SPTBN1: variants seen among roughly 807,000 people sequenced by gnomAD.
SPTBN1 encodes the protein spectrin beta, non-erythrocytic 1, also known as spectrin beta chain, non-erythrocytic 1.
A neutral mutation model predicts 266.4 loss-of-function variants in SPTBN1; 32 were observed. The ratio of observed to expected loss-of-function variants is 0.12; its 90% CI spans 0.09 to 0.16. The LOEUF (loss-of-function observed/expected upper bound fraction) is 0.16, where lower values mean the gene tolerates loss of function less well. Ranked by LOEUF, SPTBN1 falls within the 10% of genes least tolerant of loss-of-function variation. The pLI, the probability that SPTBN1 is intolerant of heterozygous loss-of-function variation, is 1.00. For missense variants in SPTBN1, 2,296 were observed against 3,067.1 expected (o/e 0.75, Z 5.94); for synonymous variants, 1,336 against 1,162.2 (o/e 1.15, Z -3.04).
At chr2:54,542,469 A>G (rs1671992214) in intron 2 of SPTBN1, among the ~76,000 whole-genome samples, 1 of 152,226 alleles carries the variant, frequency 6.6e-6, no homozygotes, top group African/African-American at 2.4e-5. Flanking sequence ...AAAACTGTTA[A>G]TTAATCTCAA....
chr2:54,499,782 C>T (rs1050054199), intron 1 of SPTBN1, among the ~76,000 whole-genome samples: 7 of 152,154 alleles, frequency 4.6e-5, no homozygotes, highest in African/African-American at 1.4e-4. Flanking sequence ...ACTTTGCTTT[C>T]CCCCTTCCTT....
At chr2:54,667,208 A>G in intron 34 of SPTBN1, among the ~76,000 whole-genome samples, 1 of 152,252 alleles carries the variant, frequency 6.6e-6, no homozygotes. Context: ...ATGTGAATGT[A>G]GGGGATACAA....
chr2:54,556,826 A>C (rs150402631), intron 2 of SPTBN1, among the ~76,000 whole-genome samples: 51 of 152,226 alleles, frequency 3.4e-4, no homozygotes, highest in African/African-American at 1.1e-3. Context: ...ATTAATTATT[A>C]CTCAGTCTGA....
At position 54,667,105 on chromosome 2, in the gene SPTBN1, G is replaced by A. The variant is rs547727359; in HGVS notation, c.6834-499G>A. On this transcript the variant is annotated intron_variant, in intron 34 of 35. Transcript: ENST00000356805. ...CCCTTCCAAGCCTGGGGACCTCCCA[G>A]TGTCACACTAATAGGGCTTCTTAAT... 8.7e-4 allele frequency among the ~76,000 whole-genome samples: 132 copies of A among 152,320 alleles called. 1 individual carries two copies. The highest frequency in any genetic ancestry group is 2.6e-3 in the African/African-American group (108 of 41,570).
rs1558764049 is a variant in SPTBN1, at chr2:54,481,433, TG to T, written c.-48+24916del. On this transcript the variant is annotated intron_variant, in intron 1 of 35. Coordinates refer to ENST00000356805, the MANE Select transcript of SPTBN1 (RefSeq NM_003128.3). ...GTGTGTGTGTGTGTGTGTGTGTGTG[TG>T]TGTGTGTTTTGTTTTGTTTGTTTGT... Among the ~76,000 whole-genome samples, 327 of 91,202 alleles carry T rather than the reference TG, an allele frequency of 3.6e-3. 2 individuals are homozygous for T. The highest frequency in any genetic ancestry group is 0.015 in the African/African-American group (299 of 19,394). The allele number at this position is 91,202 out of a possible 152,430, so 59.8% of individuals were successfully genotyped here. A position where few individuals can be genotyped will look rare whatever the true frequency, so the allele number is the denominator to read the frequency against.
At chr2:54,651,216 C>G (rs1680258996) in intron 26 of SPTBN1, among the ~76,000 whole-genome samples, 1 of 152,222 alleles carries the variant, frequency 6.6e-6, no homozygotes, top group South Asian at 2.1e-4. Context: ...CTGCAAGACA[C>G]TTGAGAGACA....
chr2:54,670,699 A>G lies in SPTBN1; in HGVS notation c.*2130A>G, dbSNP rs1681655118. On this transcript the variant is annotated 3_prime_UTR_variant, in exon 36 of 36. Transcript: ENST00000356805. Reference sequence around the variant, plus strand: ...CATACCAGCAATCCTGGAGTCCCATAATAAATACGTACATGTGGAACATCG... The same window carrying G: ...CATACCAGCAATCCTGGAGTCCCATGATAAATACGTACATGTGGAACATCG... The G allele has an allele frequency of 2.5e-6, 1 of 398,522 alleles. No individual in the cohort carries two copies. Among genetic ancestry groups the G allele is most frequent in the South Asian group, 1.3e-4 (1 of 7,870 alleles). 24.7% of individuals were successfully genotyped at this position (398,522 alleles called of 1,614,324 possible). A position where few individuals can be genotyped will look rare whatever the true frequency, so the allele number is the denominator to read the frequency against.
chr2:54,558,838 G>T lies in SPTBN1; in HGVS notation c.148+32272G>T. Reference sequence around the variant, plus strand: ...CGCTGTCGCCGGCGTACACGGGGCAGGTGCCTTACAACTACAACCAGCTGG... The same window carrying T: ...CGCTGTCGCCGGCGTACACGGGGCATGTGCCTTACAACTACAACCAGCTGG... On this transcript the variant is annotated intron_variant, in intron 2 of 35. Transcript: ENST00000356805. The surrounding 1 kb of genome is among the most constrained non-coding windows in gnomAD (Gnocchi z 4.6). The T allele has an allele frequency of 6.2e-7, 1 of 1,613,932 alleles. No homozygotes were observed. Among genetic ancestry groups the T allele is most frequent in the South Asian group, 1.1e-5 (1 of 91,054 alleles).
In SPTBN1 at chr2:54,558,948, T is replaced by C; in HGVS notation, c.148+32382T>C. ...TGCCAACGGGGGTTCTTGGAGGCTT[T>C]ATTTGTGACCCTAATGAAGACGGGC... On this transcript the variant is annotated intron_variant, in intron 2 of 35. Transcript: ENST00000356805. The surrounding 1 kb of genome is among the most constrained non-coding windows in gnomAD (Gnocchi z 4.6). 1.3e-6 allele frequency: 2 copies of C among 1,569,310 alleles called. No individual in the cohort carries two copies. Among genetic ancestry groups the C allele is most frequent in the African/African-American group, 1.4e-5 (1 of 73,496 alleles).
In SPTBN1 at chr2:54,646,091, A is replaced by C; in HGVS notation, c.4584+74A>C. The C allele has an allele frequency of 6.2e-7, 1 of 1,607,330 alleles. No homozygotes were observed. Among genetic ancestry groups the C allele is most frequent in the South Asian group, 1.1e-5 (1 of 90,454 alleles). On this transcript the variant is annotated intron_variant, in intron 22 of 35. Coordinates refer to ENST00000356805, the MANE Select transcript of SPTBN1 (RefSeq NM_003128.3). This position sits in a 1 kb window ranked among gnomAD's most constrained non-coding sequence, Gnocchi z 4.4. ...AATTATGAGACTGGGAATGGCAGAG[A>C]GCTTTGAAGCCTTGCTATTTCTTTC...
At chr2:54,460,995 T>G (rs1693337360) in intron 1 of SPTBN1, among the ~76,000 whole-genome samples, 1 of 152,058 alleles carries the variant, frequency 6.6e-6, no homozygotes. Context: ...AGAGCGAGAC[T>G]CTGTCTCAAA....
At chr2:54,652,102 T>C (rs1194458836) in intron 26 of SPTBN1, among the ~76,000 whole-genome samples, 2 of 152,238 alleles carry the variant, frequency 1.3e-5, no homozygotes, top group African/African-American at 2.4e-5. Flanking sequence ...CGGACTTCTT[T>C]GATCACGCAG....
intron 32 of SPTBN1, chr2:54,662,145 C>G: frequency 2.0e-6 from 2 of 985,256 alleles, no homozygotes; most frequent in Non-Finnish European, 2.4e-6. Flanking sequence ...GGACTAATCG[C>G]TAAAGAGAAG....
chr2:54,632,878 G>A, intron 17 of SPTBN1, 110 bp downstream of exon 17: 2 of 1,156,010 alleles, frequency 1.7e-6, no homozygotes, highest in South Asian at 3.1e-5. Context: ...CCAGTGGGCA[G>A]AATATGGGTG....
intron 7 of SPTBN1, among the ~76,000 whole-genome samples, chr2:54,618,816 C>G (rs1214887203): frequency 6.6e-6 from 1 of 152,070 alleles, no homozygotes; most frequent in Non-Finnish European, 1.5e-5. Flanking sequence ...GAAGGAGCAG[C>G]AGTCATAGTC....
intron 1 of SPTBN1, among the ~76,000 whole-genome samples, chr2:54,521,322 A>G (rs936214717): frequency 6.6e-6 from 1 of 152,230 alleles, no homozygotes; most frequent in Non-Finnish European, 1.5e-5. Flanking sequence ...CATGATGGCT[A>G]TGGTGGGAGC....
intron 1 of SPTBN1, among the ~76,000 whole-genome samples, chr2:54,469,869 A>G (rs950377374): frequency 5.3e-5 from 8 of 152,140 alleles, no homozygotes; most frequent in Admixed American, 1.3e-4. Flanking sequence ...TAAATACCCA[A>G]TTTATCTCCT....
chr2:54,493,255 C>G (rs943841853), intron 1 of SPTBN1, among the ~76,000 whole-genome samples: 19 of 152,226 alleles, frequency 1.2e-4, no homozygotes, highest in Admixed American at 1.2e-3. Context: ...ATCCTCCCAC[C>G]TCAGCCTCCC....
chr2:54,475,577 G>T (rs115725502), intron 1 of SPTBN1, among the ~76,000 whole-genome samples: 7 of 152,228 alleles, frequency 4.6e-5, no homozygotes, highest in African/African-American at 1.2e-4. Flanking sequence ...AGAGCCTCCT[G>T]CTACCATGTG....
Sources: allele counts gnomAD v4.1 joint callset (sites outside exome capture counted in the v4.1 genomes callset), GRCh38; gene constraint gnomAD v4.1.1; non-coding constraint Gnocchi (gnomAD v3.1); transcripts MANE v1.5; gene names NCBI Gene and HGNC (gene_info 2026-07-23, HGNC 2026-07-21).